LAMB1: variants seen among roughly 807,000 people sequenced by gnomAD.
The protein encoded by LAMB1 is laminin subunit beta-1.
In LAMB1, 121 loss-of-function variants were observed where a neutral mutation model predicts 222.3. The ratio of observed to expected loss-of-function variants is 0.54; its 90% confidence interval spans 0.47 to 0.63. The LOEUF is 0.63. LAMB1 is among the 30% of genes least tolerant of loss of function. LAMB1 has a pLI of 0.00. For missense variants in LAMB1, 2,172 were observed against 2,240.8 expected, an observed-to-expected ratio of 0.97 and a Z score of 0.62; for synonymous variants, 794 against 807.2, an observed-to-expected ratio of 0.98 and a Z score of 0.28.
At chr7:107,925,898 TAA>T (rs34631145) in intron 32 of LAMB1, among the ~76,000 whole-genome samples, 3 of 142,910 alleles carry the variant, frequency 2.1e-5, no homozygotes, top group Admixed American at 7.0e-5. Flanking sequence ...ATAGTTGGTT[TAA>T]AAAAAAAAAA....
intron 5 of LAMB1, among the ~76,000 whole-genome samples, chr7:107,993,274 C>T (rs1263132378): frequency 1.3e-5 from 2 of 152,176 alleles, no homozygotes; most frequent in East Asian, 3.9e-4. Flanking sequence ...GCTGGGACTA[C>T]AGGCGCGTGC....
Position 108,003,134 on chromosome 7 carries a change from G to A in LAMB1, c.-110C>T, listed in dbSNP as rs1440364606. ...ACCCGGCGACGCGAGCTCTCGCCCT[G>A]CTCCGGGAGCCCCCGAGCCCAAAGA... On this transcript the variant is annotated 5_prime_UTR_variant, in exon 1 of 34. Transcript: ENST00000222399. 3 of 708,066 alleles carry A rather than the reference G, an allele frequency of 4.2e-6. No individual in the cohort carries two copies. The highest frequency in any genetic ancestry group is 3.3e-5 in the Admixed American group (1 of 30,750). The allele number at this position is 708,066 out of a possible 1,614,324, so 43.9% of individuals were successfully genotyped here.
chr7:107,938,076 A>G (rs2032889768), intron 25 of LAMB1, among the ~76,000 whole-genome samples: 1 of 152,168 alleles, frequency 6.6e-6, no homozygotes, highest in African/African-American at 2.4e-5. Flanking sequence ...TAAAGAAAGT[A>G]ATATTTGAGC....
Position 107,940,277 on chromosome 7 carries a change from TCAA to T in LAMB1, c.3470_3472del (p.Val1157del). ...CGTGCACTTGTCACAGCGTGGACCC[TCAA>T]CACCCTCAACGCAGACACACTGGCC... On this transcript the variant is annotated inframe_deletion, in exon 25 of 34. Coordinates refer to ENST00000222399, the MANE Select transcript of LAMB1 (RefSeq NM_002291.3). 6.2e-7 allele frequency: 1 copy of T among 1,614,150 alleles called. No homozygotes were observed. The highest frequency in any genetic ancestry group is 8.5e-7 in the Non-Finnish European group (1 of 1,180,024).
At chr7:107,939,175 C>T (rs954775236) in intron 25 of LAMB1, among the ~76,000 whole-genome samples, 38 of 152,168 alleles carry the variant, frequency 2.5e-4, no homozygotes, top group African/African-American at 8.4e-4. Context: ...TCCTTTAGCA[C>T]TTAGGTCTTA....
At chr7:107,963,243 T>C (rs947568719) in intron 14 of LAMB1, among the ~76,000 whole-genome samples, 180 bp from the exon 15 acceptor site, 4 of 152,236 alleles carry the variant, frequency 2.6e-5, no homozygotes, top group African/African-American at 7.2e-5. Context: ...AACAGGAAAC[T>C]GGTTTCTTTT....
rs2116353624 is a variant in LAMB1 at position 107,940,218 on chromosome 7, G to T, written c.3532C>A (p.Pro1178Thr). 1 of 1,614,204 alleles carries T rather than the reference G, an allele frequency of 6.2e-7. No homozygotes were observed. Among genetic ancestry groups the T allele is most frequent in the Non-Finnish European group, 8.5e-7 (1 of 1,180,046 alleles). The change falls in exon 25 of 34, where the codon CCC becomes ACC. Residue 1178 changes from proline (P) to threonine (T), a missense_variant. Physicochemically the swap from Pro to Thr is conservative, Grantham distance 38. Coordinates refer to ENST00000222399, the MANE Select transcript of LAMB1 (RefSeq NM_002291.3). The part of the protein sequence containing the change: ...GYSGVFPDCT[P>T]CHQCFALWDV... ...CAGAGAGCAAAGCACTGGTGGCAGG[G>T]TGTGCAGTCAGGGAAGACCCCCGAG...
In LAMB1 at chr7:107,941,823, T is replaced by A. The variant is rs1385154410; in HGVS notation, c.3392-1465A>T. Among the ~76,000 whole-genome samples, 6 of 3,524 alleles carry A rather than the reference T, an allele frequency of 1.7e-3. No individual in the cohort carries two copies. In the South Asian group the frequency reaches 0.036, roughly 21 times the overall value. The allele number at this position is 3,524 out of a possible 152,430, so 2.3% of individuals were successfully genotyped here. ...ACAGGCATGCGCCACCACACCCGGC[T>A]TTTTTTTTTTTTTTTTTTTTTTTTT... On this transcript the variant is annotated intron_variant, in intron 24 of 33. Coordinates refer to ENST00000222399, the MANE Select transcript of LAMB1 (RefSeq NM_002291.3).
intron 7 of LAMB1, among the ~76,000 whole-genome samples, chr7:107,983,671 C>T (rs1387469533): frequency 1.3e-5 from 2 of 150,822 alleles, no homozygotes; most frequent in African/African-American, 4.9e-5. Flanking sequence ...GCACGCACCA[C>T]CATACCTGGC....
At chr7:107,958,626 A>C (rs1371004772) in intron 20 of LAMB1, among the ~76,000 whole-genome samples, 3 of 152,232 alleles carry the variant, frequency 2.0e-5, no homozygotes, top group African/African-American at 4.8e-5. Flanking sequence ...AATTAGTAAT[A>C]AACAGTGTAA....
intron 23 of LAMB1, among the ~76,000 whole-genome samples, chr7:107,951,788 A>C (rs1298198194): frequency 6.6e-6 from 1 of 152,200 alleles, no homozygotes; most frequent in African/African-American, 2.4e-5. Flanking sequence ...GTGAGTCTGC[A>C]TCTGCAGCTG....
At chr7:107,926,388 C>T (rs767840825) in intron 31 of LAMB1, 29 bp from the exon 32 acceptor site, 7 of 1,598,310 alleles carry the variant, frequency 4.4e-6, no homozygotes, top group Non-Finnish European at 6.0e-6. Flanking sequence ...TCCAGCAAGA[C>T]ATTAGTTTAA....
chr7:107,993,152 G>C (rs567269726), intron 5 of LAMB1, among the ~76,000 whole-genome samples: 3 of 151,914 alleles, frequency 2.0e-5, no homozygotes, highest in African/African-American at 7.3e-5. Context: ...TCTTTTTCTC[G>C]AGACAGGGTC....
intron 2 of LAMB1, chr7:108,002,198 G>A (rs1371088040): frequency 7.3e-7 from 1 of 1,376,758 alleles, no homozygotes; most frequent in South Asian, 1.2e-5. Context: ...GGAGATCTGT[G>A]AGCTTGGGAA....
Position 107,932,230 on chromosome 7 carries a change from C to T in LAMB1, c.4336G>A (p.Asp1446Asn). 5 of 1,614,230 alleles carry T rather than the reference C, an allele frequency of 3.1e-6. No individual in the cohort carries two copies. The highest frequency in any genetic ancestry group is 4.2e-6 in the Non-Finnish European group (5 of 1,180,046). The change falls in exon 28 of 34, where the codon GAC becomes AAC. Residue 1446 changes from aspartate (D) to asparagine (N), a missense_variant. Transcript: ENST00000222399. Reference protein sequence around the residue: ...VAHNAWQKAMDLDQDVLSALA... With the variant: ...VAHNAWQKAMNLDQDVLSALA... ...GCACTCAGGACATCTTGGTCCAAGTCCATGGCTTTCTGCCAGGCGTTGTGT... is the reference window on the plus strand; with the variant it reads ...GCACTCAGGACATCTTGGTCCAAGTTCATGGCTTTCTGCCAGGCGTTGTGT...
At chr7:107,949,604 T>G in intron 24 of LAMB1, among the ~76,000 whole-genome samples, 1 of 152,170 alleles carries the variant, frequency 6.6e-6, no homozygotes, top group East Asian at 1.9e-4. Context: ...CAGATCTCAT[T>G]AAGAACCAAA....
At chr7:107,932,142 A>C (rs530479064) in intron 28 of LAMB1, 32 bp downstream of exon 28, 7 of 1,600,898 alleles carry the variant, frequency 4.4e-6, no homozygotes, top group South Asian at 1.1e-5. Context: ...GCAAACATAC[A>C]TAACAAAAAC....
In LAMB1 at chr7:107,995,707, G is replaced by A. The variant is rs141108127; in HGVS notation, c.350-747C>T. ...AAAGGCCACTGGAATTCCAGAGATG[G>A]AAAGCACCTCCTCCCCAGTCCCTAG... On this transcript the variant is annotated intron_variant, in intron 4 of 33. Transcript: ENST00000222399. 4.0e-3 allele frequency among the ~76,000 whole-genome samples: 616 copies of A among 152,308 alleles called. 8 individuals carry two copies. Among genetic ancestry groups the A allele is most frequent in the African/African-American group, 0.014 (589 of 41,552 alleles).
At chr7:107,951,071 T>A (rs1204980807) in intron 24 of LAMB1, 155 bp downstream of exon 24, 1 of 615,122 alleles carries the variant, frequency 1.6e-6, no homozygotes, top group Admixed American at 3.0e-5. Flanking sequence ...TAGATTGTTT[T>A]TTAAACAATC....
Sources: allele counts gnomAD v4.1 joint callset (sites outside exome capture counted in the v4.1 genomes callset), GRCh38; gene constraint gnomAD v4.1.1; transcripts MANE v1.5; gene names NCBI Gene and HGNC (gene_info 2026-07-23, HGNC 2026-07-21).